Variants in CHL1 observed in about 807,000 individuals in gnomAD.
CHL1 encodes neural cell adhesion molecule L1-like protein.
A neutral mutation model predicts 141.9 loss-of-function variants in CHL1; 96 were observed. The observed-to-expected ratio is 0.68, with a 90% confidence interval of 0.57 to 0.80. CHL1 has a LOEUF of 0.80. CHL1 is among the 30% of genes least tolerant of loss of function. CHL1 has a pLI of 0.00. For missense variants in CHL1, 1,820 were observed against 1,457.2 expected (o/e 1.25, Z -4.05); for synonymous variants, 613 against 502.2 (o/e 1.22, Z -2.95).
At chr3:358,571 A>G (rs1024541310) in intron 11 of CHL1, among the ~76,000 whole-genome samples, 3 of 152,262 alleles carry the variant, frequency 2.0e-5, no homozygotes, top group Admixed American at 6.5e-5. Context: ...AATAAAGGTT[A>G]CCCAACCTAA....
chr3:391,743 C>G lies in CHL1; in HGVS notation c.2860C>G (p.Leu954Val), dbSNP rs748201172. 5.6e-6 allele frequency: 9 copies of G among 1,597,542 alleles called. No individual in the cohort carries two copies. Among genetic ancestry groups the G allele is most frequent in the Non-Finnish European group, 6.0e-6 (7 of 1,167,958 alleles). The change falls in exon 23 of 28, where the codon CTA becomes GTA. Residue 954 changes from leucine to valine, a missense_variant. Coordinates refer to ENST00000256509, the MANE Select transcript of CHL1 (RefSeq NM_006614.4). ...AGACACTGCCACTTTATCTTGGGGA[C>G]TACCTAAGAAATTAAATGGAAACTT... ...DKDTATLSWG[L>V]PKKLNGNLTG... is the part of the protein sequence containing the mutation.
intron 10 of CHL1, among the ~76,000 whole-genome samples, chr3:352,817 G>A (rs1403028456): frequency 6.6e-6 from 1 of 152,216 alleles, no homozygotes; most frequent in Non-Finnish European, 1.5e-5. Flanking sequence ...AGAACTTCTT[G>A]AGTCAGTTGA....
At chr3:245,983 A>G (rs1286848130) in intron 2 of CHL1, among the ~76,000 whole-genome samples, 1 of 152,146 alleles carries the variant, frequency 6.6e-6, no homozygotes, top group African/African-American at 2.4e-5. Flanking sequence ...AGTCTCTTGT[A>G]ACATTAAAAA....
intron 11 of CHL1, among the ~76,000 whole-genome samples, chr3:355,041 T>A (rs1201123122): frequency 6.6e-6 from 1 of 152,086 alleles, no homozygotes; most frequent in Non-Finnish European, 1.5e-5. Flanking sequence ...GAAAATTGAA[T>A]GAGAAAGAGG....
chr3:305,017 T>C (rs1484699524), intron 2 of CHL1, among the ~76,000 whole-genome samples: 3 of 152,120 alleles, frequency 2.0e-5, no homozygotes, highest in African/African-American at 7.2e-5. Context: ...ATAAACTTTA[T>C]TTCGTTTTTG....
chr3:220,991 C>T (rs1443407920), intron 1 of CHL1, among the ~76,000 whole-genome samples: 1 of 152,184 alleles, frequency 6.6e-6, no homozygotes, highest in African/African-American at 2.4e-5. Flanking sequence ...CTTATCTTAA[C>T]CAAGACACTC....
At chr3:244,418 T>C (rs944151006) in intron 1 of CHL1, among the ~76,000 whole-genome samples, 195 bp from the exon 2 acceptor site, 2 of 152,192 alleles carry the variant, frequency 1.3e-5, no homozygotes, top group African/African-American at 4.8e-5. Context: ...TTTTGTTCCT[T>C]GACAGAAATT....
At chr3:332,890 C>A (rs937445980) in intron 5 of CHL1, among the ~76,000 whole-genome samples, 5 of 151,952 alleles carry the variant, frequency 3.3e-5, no homozygotes, top group Non-Finnish European at 5.9e-5. Flanking sequence ...CTAGGGGTTG[C>A]TATGGAGACA....
At chr3:333,602 A>G (rs1692975419) in intron 5 of CHL1, among the ~76,000 whole-genome samples, 1 of 152,236 alleles carries the variant, frequency 6.6e-6, no homozygotes, top group South Asian at 2.1e-4. Context: ...GACATGGCAC[A>G]GGGATTTTGT....
chr3:210,661 G>A (rs4685448), intron 1 of CHL1, among the ~76,000 whole-genome samples: 53,824 of 152,136 alleles, frequency 0.35, 11,266 homozygotes, highest in East Asian at 0.49. Context: ...AGCAGACAAG[G>A]TAGCAAGAAA....
chr3:285,387 A>G (rs1478948470), intron 2 of CHL1, among the ~76,000 whole-genome samples: 1 of 152,232 alleles, frequency 6.6e-6, no homozygotes, highest in African/African-American at 2.4e-5. Flanking sequence ...CAGAGGAGCC[A>G]ATGTATATTT....
intron 1 of CHL1, among the ~76,000 whole-genome samples, chr3:214,956 G>GCGCACA (rs1553571580): frequency 6.7e-6 from 1 of 150,276 alleles, no homozygotes; most frequent in Non-Finnish European, 1.5e-5. Context: ...ATGTGCACGT[G>GCGCACA]CACACACACA....
chr3:319,690 G>T lies in CHL1; in HGVS notation c.-87G>T, dbSNP rs182044304. 1,090 of 748,596 alleles carry T rather than the reference G, an allele frequency of 1.5e-3. 2 individuals carry two copies. The highest frequency in any genetic ancestry group is 2.0e-3 in the Non-Finnish European group (892 of 440,726). The allele number at this position is 748,596 out of a possible 1,614,324, so 46.4% of individuals were successfully genotyped here. ...TTCTGTTTGTGTTTTTAGTTTCCAG[G>T]TTAACTAAGGTCTCAGCTGTAAACC... On this transcript the variant is annotated 5_prime_UTR_variant, in exon 3 of 28. Transcript: ENST00000256509.
chr3:344,032 G>A (rs1165887137), intron 8 of CHL1, among the ~76,000 whole-genome samples: 1 of 152,158 alleles, frequency 6.6e-6, no homozygotes, highest in Non-Finnish European at 1.5e-5. Flanking sequence ...TAGTGAGGAT[G>A]CTTACTAGTC....
At chr3:314,333 A>G (rs1160278868) in intron 2 of CHL1, among the ~76,000 whole-genome samples, 1,095 of 34,886 alleles carry the variant, frequency 0.031, 41 homozygotes, top group African/African-American at 0.2. Flanking sequence ...CTATGTGTAT[A>G]TATATATATA....
chr3:397,137 G>A (rs1394087106), intron 24 of CHL1, among the ~76,000 whole-genome samples: 2 of 151,992 alleles, frequency 1.3e-5, no homozygotes, highest in Admixed American at 6.6e-5. Context: ...TGTCATTAGC[G>A]GTTTGAATAA....
rs17023711 is a variant in CHL1 at position 307,258 on chromosome 3, G to C, written c.-94-12425G>C. On this transcript the variant is annotated intron_variant, in intron 2 of 27. Transcript: ENST00000256509. ...TGAAATTGTCCAGACAAACAAATAT[G>C]TATTAGCCATCAAATGTACACATAT... Among the ~76,000 whole-genome samples the C allele has an allele frequency of 4.6e-3, 702 of 152,288 alleles. 11 individuals carry two copies. Among genetic ancestry groups the C allele is most frequent in the African/African-American group, 0.016 (670 of 41,550 alleles).
chr3:341,438 C>T (rs1334924420), intron 6 of CHL1, among the ~76,000 whole-genome samples: 1 of 152,160 alleles, frequency 6.6e-6, no homozygotes, highest in South Asian at 2.1e-4. Context: ...GACATCAGTT[C>T]CCCTAGAACC....
At chr3:233,771 T>A (rs903622472) in intron 1 of CHL1, among the ~76,000 whole-genome samples, 1 of 152,088 alleles carries the variant, frequency 6.6e-6, no homozygotes, top group African/African-American at 2.4e-5. Flanking sequence ...AATTATAAAC[T>A]TTTCTAATAC....
Sources: gnomAD v4.1 joint callset for allele counts (sites outside exome capture counted in the v4.1 genomes callset) on GRCh38, gnomAD v4.1.1 for gene constraint, MANE v1.5 for transcripts, NCBI Gene and HGNC (gene_info 2026-07-23, HGNC 2026-07-21) for gene names.